Variants in MPP1 observed in about 807,000 individuals in gnomAD.
MPP1 encodes the protein 55 kDa erythrocyte membrane protein.
MPP1 carries 6 observed loss-of-function variants against 38.2 expected under a neutral mutation model. The ratio of observed to expected loss-of-function variants is 0.16; its 90% CI spans 0.09 to 0.31. The LOEUF (loss-of-function observed/expected upper bound fraction) is 0.31. MPP1 is among the 10% of genes least tolerant of loss of function. The pLI is 1.00. For missense variants in MPP1, 293 were observed against 368.9 expected (o/e 0.79, Z 1.69); for synonymous variants, 153 against 146.3 (o/e 1.05, Z -0.33).
At chrX:154,797,035 G>A (rs1480695392) in intron 1 of MPP1, among the ~76,000 whole-genome samples, 5 of 112,029 alleles carry the variant, frequency 4.5e-5, no homozygotes, top group Admixed American at 9.4e-5. Flanking sequence ...GCAACAGAGC[G>A]AGACTCTATC....
chrX:154,796,159 C>G (rs952821875), intron 1 of MPP1, among the ~76,000 whole-genome samples: 1 of 106,500 alleles, frequency 9.4e-6, no homozygotes, highest in African/African-American at 3.5e-5. Context: ...GAGAAAGAGT[C>G]TCACTCTGTC....
Position 154,786,405 on chromosome X carries a change from AAAG to A in MPP1, c.481-8_481-6del. The A allele has an allele frequency of 8.3e-7, 1 of 1,203,252 alleles. No homozygotes were observed. The highest frequency in any genetic ancestry group is 1.1e-6 in the Non-Finnish European group (1 of 890,065). Reference sequence around the variant, plus strand: ...AAACTGCGCTCTCATGAACATCTAAAAAGAAGGTAAAAGGAACTGCAGGCGGCA... The same window carrying A: ...AAACTGCGCTCTCATGAACATCTAAAAAGGTAAAAGGAACTGCAGGCGGCA... On this transcript the variant is annotated splice_polypyrimidine_tract_variant and splice_region_variant and intron_variant, in intron 5 of 11. Coordinates refer to ENST00000369534, the MANE Select transcript of MPP1 (RefSeq NM_002436.4).
intron 11 of MPP1, among the ~76,000 whole-genome samples, chrX:154,780,910 T>C (rs782670815): frequency 4.9e-4 from 55 of 111,781 alleles, no homozygotes; most frequent in Non-Finnish European, 8.5e-4. Context: ...GCCACCTCTG[T>C]CCATCACAGC....
intron 8 of MPP1, 70 bp downstream of exon 8, chrX:154,783,958 T>G (rs2072038753): frequency 1.0e-6 from 1 of 996,445 alleles, no homozygotes; most frequent in African/African-American, 1.9e-5. Flanking sequence ...CTGCCTTTTT[T>G]GGGGGTGGGC....
rs182269974 is a variant in MPP1 at position 154,791,161 on chromosome X, A to T, written c.326-93T>A. On this transcript the variant is annotated intron_variant, in intron 3 of 11. Coordinates refer to ENST00000369534, the MANE Select transcript of MPP1 (RefSeq NM_002436.4). ...AAGATACCATAGAAGAGAAACCAGG[A>T]TTTACAGCATGTTATGAAACAGATT... 34 of 708,122 alleles carry T rather than the reference A, an allele frequency of 4.8e-5. No individual in the cohort carries two copies. In the Admixed American group the frequency reaches 8.3e-4, roughly 17 times the overall value. 58.4% of individuals were successfully genotyped at this position (708,122 alleles called of 1,213,427 possible). A position where few individuals can be genotyped will look rare whatever the true frequency, so the allele number is the denominator to read the frequency against.
intron 5 of MPP1, 72 bp from the exon 6 acceptor site, chrX:154,786,472 G>A (rs782522570): frequency 2.7e-5 from 26 of 963,505 alleles, no homozygotes; most frequent in African/African-American, 7.7e-5. Context: ...ATGTCCTGCT[G>A]TAGACAAATG....
chrX:154,786,622 G>A (rs782287675), intron 5 of MPP1, among the ~76,000 whole-genome samples: 10 of 111,147 alleles, frequency 9.0e-5, no homozygotes, highest in Admixed American at 5.7e-4. Context: ...GAAGCCAGGC[G>A]CAGTGGCTCA....
At chrX:154,799,879 G>C (rs782760924) in intron 1 of MPP1, 157 of 1,137,987 alleles carry the variant, frequency 1.4e-4, no homozygotes, top group Non-Finnish European at 1.7e-4. Flanking sequence ...GGCAGAGGCA[G>C]TTGCTCAAAG....
chrX:154,784,759 G>A (rs2072048992), intron 7 of MPP1: 1 of 383,146 alleles, frequency 2.6e-6, no homozygotes, highest in East Asian at 5.4e-5. Context: ...TCTCCCTCTG[G>A]CCTGTGTTCT....
intron 5 of MPP1, among the ~76,000 whole-genome samples, chrX:154,786,845 G>A (rs1474679725): frequency 1.0e-4 from 9 of 88,134 alleles, no homozygotes; most frequent in South Asian, 6.4e-4. Context: ...GCAGTGAGCC[G>A]AGATTGTGCC....
At chrX:154,786,515 G>T in intron 5 of MPP1, 115 bp from the exon 6 acceptor site, 1 of 659,784 alleles carries the variant, frequency 1.5e-6, no homozygotes, top group Non-Finnish European at 2.3e-6. Flanking sequence ...AGGGAGGTAA[G>T]AATGGTGGGG....
Position 154,792,217 on chromosome X carries a change from G to T in MPP1, c.171C>A (p.Ser57Arg). Residue 57 changes from serine (S) to arginine (R), a missense_variant, in exon 2 of 12, where the codon AGC (serine) becomes AGA (arginine). Ser to Arg is a moderately radical substitution (Grantham distance 110). Transcript: ENST00000369534. ...MYTNGSPAPG[S>R]PAQVKGQEVR... ...CCTCCTGTCCCTTGACCTGGGCAGG[G>T]CTACCTGGGGCAGGAGACCCGTTGG... The T allele has an allele frequency of 8.3e-7, 1 of 1,211,412 alleles. No homozygotes were observed. Among genetic ancestry groups the T allele is most frequent in the Non-Finnish European group, 1.1e-6 (1 of 895,136 alleles).
At chrX:154,803,400 A>G (rs993330817) in intron 1 of MPP1, among the ~76,000 whole-genome samples, 2 of 112,316 alleles carry the variant, frequency 1.8e-5, no homozygotes, top group African/African-American at 6.5e-5. Context: ...TAACTGGTAG[A>G]CTATCTCCAA....
In MPP1 at chrX:154,778,736, A is replaced by ACAT. The variant is rs2071949230; in HGVS notation, c.*438_*440dup. The stretch of plus-strand genomic sequence containing the variant: ...GCTTTTGAAGGTTTCCCTAGAGCAG[A>ACAT]CATCATTCTATTGCACAGATGTGTC... On this transcript the variant is annotated 3_prime_UTR_variant, in exon 12 of 12. Transcript: ENST00000369534. The ACAT allele has an allele frequency of 8.2e-6, 1 of 121,386 alleles. No individual in the cohort carries two copies. The highest frequency in any genetic ancestry group is 3.2e-5 in the African/African-American group (1 of 31,417). 10.0% of individuals were successfully genotyped at this position (121,386 alleles called of 1,213,427 possible). A position where few individuals can be genotyped will look rare whatever the true frequency, so the allele number is the denominator to read the frequency against.
At chrX:154,798,527 T>C (rs1478704754) in intron 1 of MPP1, among the ~76,000 whole-genome samples, 2 of 112,070 alleles carry the variant, frequency 1.8e-5, no homozygotes, top group Admixed American at 9.4e-5. Flanking sequence ...AAACATCACA[T>C]ACTATATGAT....
chrX:154,781,275 G>A lies in MPP1; in HGVS notation c.1188C>T (p.Phe396=). Residue 396 remains phenylalanine (F), a synonymous_variant, in exon 11 of 12, where the codon TTC becomes TTT. Transcript: ENST00000369534. The part of the protein sequence containing the change: ...KIVRTAELSP[F]IVFIAPTDQG... Reference sequence around the variant, plus strand: ...GGTCAGTAGGTGCAATGAACACAATGAAAGGCGAAAGTTCTGCTGTCCGAA... The same window carrying A: ...GGTCAGTAGGTGCAATGAACACAATAAAAGGCGAAAGTTCTGCTGTCCGAA... 8.3e-7 allele frequency: 1 copy of A among 1,200,027 alleles called. No homozygotes were observed. The highest frequency in any genetic ancestry group is 1.1e-6 in the Non-Finnish European group (1 of 890,923).
chrX:154,801,086 T>C (rs781923279), intron 1 of MPP1, among the ~76,000 whole-genome samples: 7 of 112,538 alleles, frequency 6.2e-5, no homozygotes, highest in Non-Finnish European at 1.3e-4. Flanking sequence ...GAGTTCTTTT[T>C]TAGCAACACT....
rs781798010 is a variant in MPP1 at position 154,800,626 on chromosome X, G to A, written c.102+4646C>T. ...GAGCTGTGTGCAAATAACAACACTC[G>A]TTAAATCAAATGCTCATCCCCATTC... is the stretch of plus-strand genomic sequence containing the variant. On this transcript the variant is annotated intron_variant, in intron 1 of 11. Coordinates refer to ENST00000369534, the MANE Select transcript of MPP1 (RefSeq NM_002436.4). Among the ~76,000 whole-genome samples the A allele has an allele frequency of 7.1e-5, 8 of 112,614 alleles. No individual in the cohort carries two copies. The South Asian group carries it at 1.1e-3, about 15-fold the overall frequency.
At chrX:154,790,098 T>G in intron 4 of MPP1, 76 bp from the exon 5 acceptor site, 1 of 660,291 alleles carries the variant, frequency 1.5e-6, no homozygotes, top group Non-Finnish European at 2.3e-6. Context: ...AAGTCCCAGG[T>G]TTTTTTCCCC....
Sources: gnomAD v4.1 joint callset for allele counts (sites outside exome capture counted in the v4.1 genomes callset) on GRCh38, gnomAD v4.1.1 for gene constraint, MANE v1.5 for transcripts, NCBI Gene and HGNC (gene_info 2026-07-23, HGNC 2026-07-21) for gene names.